EYS: variants seen among roughly 807,000 people sequenced by gnomAD.
The protein encoded by EYS is protein eyes shut homolog.
In EYS, 250 loss-of-function variants were observed where a neutral mutation model predicts 282.1. The observed-to-expected ratio is 0.89, with a 90% confidence interval of 0.80 to 0.98. The LOEUF is 0.98. EYS is among the 50% of genes least tolerant of loss of function. The pLI, the probability that EYS is intolerant of heterozygous loss-of-function variation, is 0.00. For synonymous variants in EYS, 1,355 were observed against 1,282.9 expected, an observed-to-expected ratio of 1.06 and a Z score of -1.20; for missense variants, 4,016 against 3,709.0, an observed-to-expected ratio of 1.08 and a Z score of -2.15.
rs147838286 is a variant in EYS, at chr6:64,449,824, C to T, written c.5645-10472G>A. Among the ~76,000 whole-genome samples, 361 of 152,198 alleles carry T rather than the reference C, an allele frequency of 2.4e-3. 2 individuals carry two copies. The highest frequency in any genetic ancestry group is 8.0e-3 in the African/African-American group (333 of 41,532). On this transcript the variant is annotated intron_variant, in intron 26 of 42. Transcript: ENST00000503581. Reference sequence around the variant, plus strand: ...CAAATGCTGAGGGATTTTGTCACCACCAGACCTGCCCTAAAAGAGCTCCTG... The same window carrying T: ...CAAATGCTGAGGGATTTTGTCACCATCAGACCTGCCCTAAAAGAGCTCCTG...
At chr6:65,028,048 T>A (rs930789996) in intron 13 of EYS, among the ~76,000 whole-genome samples, 2 of 152,150 alleles carry the variant, frequency 1.3e-5, no homozygotes, top group African/African-American at 4.8e-5. Flanking sequence ...CTTTGAGTTC[T>A]TCTGCATCAC....
chr6:64,752,775 C>T (rs563969424), intron 22 of EYS, among the ~76,000 whole-genome samples: 35 of 152,194 alleles, frequency 2.3e-4, no homozygotes, highest in Admixed American at 3.3e-4. Context: ...TTAATCACCT[C>T]TAAAGGACAT....
chr6:65,330,101 G>T, intron 11 of EYS: 1 of 980,074 alleles, frequency 1.0e-6, no homozygotes, highest in Non-Finnish European at 1.2e-6. Context: ...AATTACTTTA[G>T]TACTTTAAAA....
intron 22 of EYS, among the ~76,000 whole-genome samples, chr6:64,633,447 T>C (rs1357149468): frequency 6.6e-6 from 1 of 152,084 alleles, no homozygotes; most frequent in Non-Finnish European, 1.5e-5. Context: ...AAGACAGAGC[T>C]GGGTGCAGGT....
chr6:64,498,464 T>C (rs999466537), intron 26 of EYS, among the ~76,000 whole-genome samples: 1 of 137,828 alleles, frequency 7.3e-6, no homozygotes, highest in Non-Finnish European at 1.6e-5. Context: ...ATATACTCAT[T>C]TTTTTTTTTA....
chr6:64,152,146 TAAAA>T (rs1183038305), intron 31 of EYS, among the ~76,000 whole-genome samples: 1 of 152,068 alleles, frequency 6.6e-6, no homozygotes, highest in Admixed American at 6.6e-5. Context: ...AATAAAAAAA[TAAAA>T]AGTCTGCTCA....
chr6:65,563,717 T>C (rs1331207), intron 2 of EYS, among the ~76,000 whole-genome samples: 81,975 of 151,786 alleles, frequency 0.54, 22,134 homozygotes, highest in East Asian at 0.7. Flanking sequence ...TTAGAGTAGG[T>C]AGATAGGCAG....
In EYS at chr6:64,684,529, CCTT is replaced by C. The variant is rs146712920; in HGVS notation, c.3444-58287_3444-58285del. ...TTGTAGGTAAAGTCTTATATTTTCT[CCTT>C]ATTTTTTAAAATACACAATTTTTAA... is the stretch of plus-strand genomic sequence containing the variant. On this transcript the variant is annotated intron_variant, in intron 22 of 42. Transcript: ENST00000503581. Among the ~76,000 whole-genome samples, 829 of 151,456 alleles carry C rather than the reference CCTT, an allele frequency of 5.5e-3. 3 individuals carry two copies. The highest frequency in any genetic ancestry group is 9.2e-3 in the Non-Finnish European group (624 of 67,822).
intron 14 of EYS, 51 bp from the exon 15 acceptor site, chr6:64,945,965 C>T: frequency 1.4e-6 from 2 of 1,386,878 alleles, no homozygotes; most frequent in Non-Finnish European, 1.9e-6. Flanking sequence ...ACTATTAAGC[C>T]TATAATACAG....
intron 36 of EYS, among the ~76,000 whole-genome samples, chr6:63,823,844 T>A (rs1771387016): frequency 6.6e-6 from 1 of 152,318 alleles, no homozygotes; most frequent in Non-Finnish European, 1.5e-5. Context: ...GTTACTTTTA[T>A]TTGCATTATT....
intron 4 of EYS, among the ~76,000 whole-genome samples, chr6:65,492,244 T>C (rs1414364252): frequency 6.6e-6 from 1 of 152,112 alleles, no homozygotes; most frequent in African/African-American, 2.4e-5. Flanking sequence ...AAGCATTATT[T>C]AGGTATTTTA....
intron 1 of EYS, among the ~76,000 whole-genome samples, chr6:65,678,653 A>T (rs1768711723): frequency 6.6e-6 from 1 of 151,970 alleles, no homozygotes; most frequent in African/African-American, 2.4e-5. Flanking sequence ...TAAAAAATCA[A>T]CAGAGTAAAA....
intron 33 of EYS, among the ~76,000 whole-genome samples, chr6:64,044,978 T>C (rs575782040): frequency 6.6e-6 from 1 of 152,286 alleles, no homozygotes; most frequent in African/African-American, 2.4e-5. Context: ...ACATTGTATA[T>C]AGAACATTGA....
At chr6:64,195,274 T>C (rs758995959) in intron 31 of EYS, among the ~76,000 whole-genome samples, 1 of 152,200 alleles carries the variant, frequency 6.6e-6, no homozygotes, top group Non-Finnish European at 1.5e-5. Flanking sequence ...ATTTAAAAAA[T>C]GCAATTCAAT....
At chr6:64,569,720 G>C (rs574616213) in intron 26 of EYS, among the ~76,000 whole-genome samples, 1 of 151,594 alleles carries the variant, frequency 6.6e-6, no homozygotes, top group South Asian at 2.1e-4. Flanking sequence ...CAGCCTGGGC[G>C]ACAGAGTGAG....
At chr6:64,655,849 A>C (rs528543499) in intron 22 of EYS, among the ~76,000 whole-genome samples, 1 of 152,278 alleles carries the variant, frequency 6.6e-6, no homozygotes, top group Non-Finnish European at 1.5e-5. Context: ...TCAAAATAAA[A>C]GTAGATGATG....
chr6:65,427,114 T>C (rs919129430), intron 5 of EYS, among the ~76,000 whole-genome samples: 2 of 152,096 alleles, frequency 1.3e-5, no homozygotes, highest in Non-Finnish European at 2.9e-5. Flanking sequence ...GCTTTTTCTT[T>C]AAATGGTGTA....
intron 2 of EYS, among the ~76,000 whole-genome samples, chr6:65,541,643 C>T (rs1768171963): frequency 6.7e-6 from 1 of 149,720 alleles, no homozygotes; most frequent in African/African-American, 2.4e-5. Flanking sequence ...TCACTAGATG[C>T]ATAACATTTT....
At chr6:64,921,447 G>C (rs1267659934) in intron 15 of EYS, among the ~76,000 whole-genome samples, 5 of 152,142 alleles carry the variant, frequency 3.3e-5, no homozygotes, top group African/African-American at 1.2e-4. Context: ...GAAATGGAAA[G>C]AAGGAAAGAG....
Sources: allele counts gnomAD v4.1 joint callset (sites outside exome capture counted in the v4.1 genomes callset), GRCh38; gene constraint gnomAD v4.1.1; transcripts MANE v1.5; gene names NCBI Gene and HGNC (gene_info 2026-07-23, HGNC 2026-07-21).